Variants in SEMA5A observed in about 807,000 individuals in gnomAD.
SEMA5A encodes semaphorin-5A.
A neutral mutation model predicts 135.5 loss-of-function variants in SEMA5A; 55 were observed. The observed-to-expected ratio is 0.41, with a 90% CI of 0.33 to 0.51. SEMA5A has a LOEUF of 0.51. Ranked by LOEUF, SEMA5A falls within the 20% of genes least tolerant of loss-of-function variation. The pLI, the probability that SEMA5A is intolerant of heterozygous loss-of-function variation, is 0.37. For missense variants in SEMA5A, 1,290 were observed against 1,419.9 expected (o/e 0.91, Z 1.47); for synonymous variants, 580 against 546.5 (o/e 1.06, Z -0.85).
At chr5:9,150,447 T>C (rs1355379187) in intron 12 of SEMA5A, among the ~76,000 whole-genome samples, 1 of 152,196 alleles carries the variant, frequency 6.6e-6, no homozygotes, top group Non-Finnish European at 1.5e-5. Flanking sequence ...TGAATGATTT[T>C]CTCACTCTAT....
chr5:9,163,239 A>G (rs1743394075), intron 11 of SEMA5A, among the ~76,000 whole-genome samples: 1 of 151,608 alleles, frequency 6.6e-6, no homozygotes, highest in Non-Finnish European at 1.5e-5. Flanking sequence ...GACGATGAAA[A>G]AAAACCTTCT....
At chr5:9,080,339 G>GT (rs1738307258) in intron 16 of SEMA5A, among the ~76,000 whole-genome samples, 1 of 152,066 alleles carries the variant, frequency 6.6e-6, no homozygotes, top group Admixed American at 6.6e-5. Context: ...ATAAGTAGGA[G>GT]TTGAACAATG....
intron 20 of SEMA5A, 28 bp from the exon 21 acceptor site, chr5:9,050,485 G>A (rs201138848): frequency 1.9e-6 from 3 of 1,598,840 alleles, no homozygotes; most frequent in East Asian, 2.2e-5. Context: ...GAATCACAAT[G>A]TGTAAAAGGT....
intron 3 of SEMA5A, among the ~76,000 whole-genome samples, chr5:9,357,751 G>C (rs1754516648): frequency 6.6e-6 from 1 of 152,186 alleles, no homozygotes; most frequent in East Asian, 1.9e-4. Context: ...CCTGGACAGA[G>C]AGGAGTGAGC....
chr5:9,095,332 C>T (rs970829955), intron 16 of SEMA5A, among the ~76,000 whole-genome samples: 2 of 151,988 alleles, frequency 1.3e-5, no homozygotes, highest in South Asian at 4.2e-4. Flanking sequence ...ACCACCATGG[C>T]ACGTGTATAC....
chr5:9,103,243 C>T (rs993104398), intron 16 of SEMA5A, among the ~76,000 whole-genome samples: 12 of 152,090 alleles, frequency 7.9e-5, no homozygotes, highest in African/African-American at 1.7e-4. Flanking sequence ...AAACACGAGA[C>T]GACCTTCCCC....
chr5:9,237,577 C>G, intron 6 of SEMA5A: 1 of 335,600 alleles, frequency 3.0e-6, no homozygotes, highest in Non-Finnish European at 5.4e-6. Context: ...TTATCTTAGT[C>G]TAATGACAGA....
At chr5:9,300,311 A>T (rs998150933) in intron 5 of SEMA5A, among the ~76,000 whole-genome samples, 2 of 134,512 alleles carry the variant, frequency 1.5e-5, no homozygotes, top group Non-Finnish European at 3.3e-5. Context: ...TGCAGGCGTG[A>T]GCCACTGCGC....
chr5:9,443,350 A>G (rs268528), intron 1 of SEMA5A, among the ~76,000 whole-genome samples: 110,762 of 151,820 alleles, frequency 0.73, 40,963 homozygotes, highest in Non-Finnish European at 0.8. Flanking sequence ...GAGAGGGGAG[A>G]GGGGAGGAAG....
intron 1 of SEMA5A, among the ~76,000 whole-genome samples, chr5:9,449,785 G>T (rs1377619399): frequency 1.3e-5 from 2 of 152,090 alleles, no homozygotes; most frequent in Admixed American, 1.3e-4. Context: ...CACACAGAAG[G>T]TGCCTGGGTA....
rs1207902662 is a variant in SEMA5A at position 9,099,937 on chromosome 5, G to A, written c.2073+8203C>T. On this transcript the variant is annotated intron_variant, in intron 16 of 22. Coordinates refer to ENST00000382496, the MANE Select transcript of SEMA5A (RefSeq NM_003966.3). The stretch of plus-strand genomic sequence containing the variant: ...CACTCTGTGTGCAGAGAAAGAAAGG[G>A]CCTTCCTGTCCTGTATCTCTCTCTA... 3.3e-5 allele frequency among the ~76,000 whole-genome samples: 5 copies of A among 152,314 alleles called. No individual in the cohort carries two copies. The South Asian group carries it at 6.2e-4, about 19-fold the overall frequency.
In SEMA5A at chr5:9,545,387, G is replaced by A. The variant is rs988908181; in HGVS notation, c.-175+197C>T. Among the ~76,000 whole-genome samples the A allele has an allele frequency of 6.6e-6, 1 of 151,988 alleles. No homozygotes were observed. Among genetic ancestry groups the A allele is most frequent in the Non-Finnish European group, 1.5e-5 (1 of 67,986 alleles). On this transcript the variant is annotated intron_variant, in intron 1 of 22. Transcript: ENST00000382496. This position sits in a 1 kb window ranked among gnomAD's most constrained non-coding sequence, Gnocchi z 4.5. ...CCCGTGCACTAGCTCAACTGTGGGCGCCCCCGGACTGACGGTCGTCCTAAT... is the reference window on the plus strand; with the variant it reads ...CCCGTGCACTAGCTCAACTGTGGGCACCCCCGGACTGACGGTCGTCCTAAT...
At chr5:9,531,844 A>G (rs1737457807) in intron 1 of SEMA5A, among the ~76,000 whole-genome samples, 1 of 152,214 alleles carries the variant, frequency 6.6e-6, no homozygotes, top group Non-Finnish European at 1.5e-5. Flanking sequence ...CATTTACCCT[A>G]GTATCTTTGC....
chr5:9,332,561 A>G (rs1753198349), intron 4 of SEMA5A, among the ~76,000 whole-genome samples: 1 of 149,822 alleles, frequency 6.7e-6, no homozygotes, highest in Non-Finnish European at 1.5e-5. Context: ...GCATGCAGCT[A>G]TGGGCTGCTA....
chr5:9,392,966 C>T (rs1007070967), intron 2 of SEMA5A, among the ~76,000 whole-genome samples: 1 of 152,208 alleles, frequency 6.6e-6, no homozygotes, highest in African/African-American at 2.4e-5. Flanking sequence ...TTAGGTGAAA[C>T]TTAGGAATAC....
At chr5:9,182,914 A>C (rs1744601545) in intron 11 of SEMA5A, among the ~76,000 whole-genome samples, 1 of 152,172 alleles carries the variant, frequency 6.6e-6, no homozygotes, top group Non-Finnish European at 1.5e-5. Context: ...AACTTTCAGT[A>C]ATTATTATTA....
chr5:9,449,268 G>A (rs1030633015), intron 1 of SEMA5A, among the ~76,000 whole-genome samples: 1 of 152,142 alleles, frequency 6.6e-6, no homozygotes, highest in African/African-American at 2.4e-5. Flanking sequence ...TCCTCTGCAG[G>A]GACATGGATG....
At chr5:9,538,167 T>C (rs1737876064) in intron 1 of SEMA5A, among the ~76,000 whole-genome samples, 2 of 152,138 alleles carry the variant, frequency 1.3e-5, no homozygotes, top group Admixed American at 6.5e-5. Flanking sequence ...TTCGTATGTA[T>C]CTCTACCCAA....
intron 2 of SEMA5A, among the ~76,000 whole-genome samples, chr5:9,433,479 C>G (rs1311121695): frequency 6.6e-6 from 1 of 150,882 alleles, no homozygotes; most frequent in Non-Finnish European, 1.5e-5. Context: ...AATAATTAAG[C>G]CTTAAAATCT....
Sources: gnomAD v4.1 joint callset for allele counts (sites outside exome capture counted in the v4.1 genomes callset) on GRCh38, gnomAD v4.1.1 for gene constraint, Gnocchi (gnomAD v3.1) non-coding constraint, MANE v1.5 for transcripts, NCBI Gene and HGNC (gene_info 2026-07-23, HGNC 2026-07-21) for gene names.